FAXC: variants seen among roughly 807,000 people sequenced by gnomAD.
FAXC encodes failed axon connections homolog, metaxin like GST domain containing, also known as failed axon connections homolog.
A neutral mutation model predicts 41.9 loss-of-function variants in FAXC; 10 were observed. The observed-to-expected ratio is 0.24, with a 90% CI of 0.15 to 0.41. The LOEUF is 0.41. Ranked by LOEUF, FAXC falls within the 10% of genes least tolerant of loss-of-function variation. The probability of loss-of-function intolerance (pLI) is 1.00; values close to 1 mark genes in which losing one functional copy is unlikely to be tolerated. For synonymous variants in FAXC, 183 were observed against 183.8 expected, an observed-to-expected ratio of 1.00 and a Z score of 0.03; for missense variants, 399 against 510.9, an observed-to-expected ratio of 0.78 and a Z score of 2.11.
intron 3 of FAXC, among the ~76,000 whole-genome samples, chr6:99,326,051 T>C (rs1772791256): frequency 6.6e-6 from 1 of 152,310 alleles, no homozygotes; most frequent in Non-Finnish European, 1.5e-5. Context: ...AGGCTGCATT[T>C]GAGGAAGCCT....
chr6:99,331,010 A>C (rs530025305), intron 3 of FAXC, among the ~76,000 whole-genome samples: 1 of 152,322 alleles, frequency 6.6e-6, no homozygotes, highest in South Asian at 2.1e-4. Context: ...TCCCCAAAGC[A>C]AGAAGTTGGC....
rs34495212 is a variant in FAXC at position 99,284,598 on chromosome 6, T to TGTGTGTGTGTGTGA, written c.941-3146_941-3145insTCACACACACACAC. On this transcript the variant is annotated intron_variant, in intron 5 of 5. Coordinates refer to ENST00000389677, the MANE Select transcript of FAXC (RefSeq NM_032511.4). ...GTGTGTGTGTGTGTGTGTGTGTGTGTGATAAGCCTGTGTTAATATAAATGC... is the reference window on the plus strand; with the variant it reads ...GTGTGTGTGTGTGTGTGTGTGTGTGTGTGTGTGTGTGTGAGATAAGCCTGTGTTAATATAAATGC... Among the ~76,000 whole-genome samples the TGTGTGTGTGTGTGA allele has an allele frequency of 4.2e-3, 599 of 142,940 alleles. 10 individuals are homozygous for TGTGTGTGTGTGTGA. The highest frequency in any genetic ancestry group is 0.016 in the South Asian group (71 of 4,376). 93.8% of individuals were successfully genotyped at this position (142,940 alleles called of 152,430 possible).
At chr6:99,284,581 G>A (rs866665810) in intron 5 of FAXC, among the ~76,000 whole-genome samples, 69 of 132,110 alleles carry the variant, frequency 5.2e-4, no homozygotes, top group Middle Eastern at 8.1e-3. Flanking sequence ...GTGTGTGTGT[G>A]TGTGTGTGTG....
Position 99,277,505 on chromosome 6 carries a change from A to G in FAXC, c.*3659T>C, listed in dbSNP as rs1770673599. 1 of 152,228 alleles carries G rather than the reference A, an allele frequency of 6.6e-6. No individual in the cohort carries two copies. Among genetic ancestry groups the G allele is most frequent in the Admixed American group, 6.5e-5 (1 of 15,286 alleles). The allele number at this position is 152,228 out of a possible 1,614,324, so 9.4% of individuals were successfully genotyped here. A position where few individuals can be genotyped will look rare whatever the true frequency, so the allele number is the denominator to read the frequency against. ...GACATGGGTTCTTTAAAAGATACATAAGGAAGTATGAGGAGTCTTGGTGAT... is the reference window on the plus strand; with the variant it reads ...GACATGGGTTCTTTAAAAGATACATGAGGAAGTATGAGGAGTCTTGGTGAT... On this transcript the variant is annotated 3_prime_UTR_variant, in exon 6 of 6. Coordinates refer to ENST00000389677, the MANE Select transcript of FAXC (RefSeq NM_032511.4).
chr6:99,290,101 C>CCACACACACACA lies in FAXC; in HGVS notation c.940+1591_940+1602dup, dbSNP rs34319104. Among the ~76,000 whole-genome samples the CCACACACACACA allele has an allele frequency of 8.3e-3, 1,188 of 142,554 alleles. 12 individuals are homozygous for CCACACACACACA. The highest frequency in any genetic ancestry group is 0.011 in the Non-Finnish European group (707 of 66,006). The allele number at this position is 142,554 out of a possible 152,430, so 93.5% of individuals were successfully genotyped here. Reference sequence around the variant, plus strand: ...CTGTATATCCCACCACCCTACCCCACCACACACACACACACACACACACAC... The same window carrying CCACACACACACA: ...CTGTATATCCCACCACCCTACCCCACCACACACACACACACACACACACACACACACACACAC... On this transcript the variant is annotated intron_variant, in intron 5 of 5. Transcript: ENST00000389677.
rs1174982279 is a variant in FAXC, at chr6:99,315,232, T to TAA, written c.823+8210_823+8211dup. On this transcript the variant is annotated intron_variant, in intron 4 of 5. Transcript: ENST00000389677. The stretch of plus-strand genomic sequence containing the variant: ...TGGGCAACTGAGCAACACTCCATCT[T>TAA]AAAAAAAAAAAAAAAAAAAAAAAAA... 9.1e-4 allele frequency among the ~76,000 whole-genome samples: 37 copies of TAA among 40,510 alleles called. 4 individuals are homozygous for TAA. The highest frequency in any genetic ancestry group is 5.1e-3 in the East Asian group (4 of 780). 26.6% of individuals were successfully genotyped at this position (40,510 alleles called of 152,430 possible).
rs1226793563 is a variant in FAXC, at chr6:99,299,662, A to G, written c.824-7842T>C. On this transcript the variant is annotated intron_variant, in intron 4 of 5. Transcript: ENST00000389677. Reference sequence around the variant, plus strand: ...GTCACGGTAATCTCACTATCCAAGCATCAAAGAGCACACACTTAAATGCAC... The same window carrying G: ...GTCACGGTAATCTCACTATCCAAGCGTCAAAGAGCACACACTTAAATGCAC... Among the ~76,000 whole-genome samples, 4 of 152,330 alleles carry G rather than the reference A, an allele frequency of 2.6e-5. 1 individual carries two copies. The highest frequency in any genetic ancestry group is 9.6e-5 in the African/African-American group (4 of 41,584).
Position 99,342,915 on chromosome 6 carries a change from C to A in FAXC, c.385G>T (p.Ala129Ser), listed in dbSNP as rs1447197578. The A allele has an allele frequency of 6.2e-7, 1 of 1,607,068 alleles. No homozygotes were observed. Among genetic ancestry groups the A allele is most frequent in the Non-Finnish European group, 8.5e-7 (1 of 1,177,990 alleles). ...CLKMETYLRMADLPYQNYFGG... is the reference protein window; with the variant it reads ...CLKMETYLRMSDLPYQNYFGG... ...ACAAGTACCTGATACGGTAAGTCAG[C>A]CATCCTTAAATAAGTTTCCATCTTT... The change falls in exon 2 of 6, where the codon GCT (alanine) becomes TCT (serine). Residue 129 changes from alanine to serine, a missense_variant. Coordinates refer to ENST00000389677, the MANE Select transcript of FAXC (RefSeq NM_032511.4).
rs1773477805 is a variant in FAXC at position 99,343,031 on chromosome 6, T to C, written c.269A>G (p.Lys90Arg). Residue 90 changes from lysine (K) to arginine (R), a missense_variant and splice_region_variant, in exon 2 of 6, where the codon AAA (lysine) becomes AGA (arginine). By Grantham distance (26) the Lys-to-Arg change is conservative (BLOSUM62 2). Around this residue, in one of 3 missense-constraint regions of FAXC, gnomAD observed 239 missense variants for 352.7 expected, o/e 0.68. Transcript: ENST00000389677. ...ATCTTTAGAGTCAATCTCTTGCTGT[T>C]TCCTGTCAAAACCAAAACAGAAATA... ...YLLHELLVIRKQQEIDSKDAI... is the reference protein window; with the variant it reads ...YLLHELLVIRRQQEIDSKDAI... 1.9e-6 allele frequency: 3 copies of C among 1,597,826 alleles called. No homozygotes were observed. Among genetic ancestry groups the C allele is most frequent in the Admixed American group, 1.8e-5 (1 of 55,104 alleles).
chr6:99,282,839 A>G (rs2128446737), intron 5 of FAXC, among the ~76,000 whole-genome samples: 1 of 152,324 alleles, frequency 6.6e-6, no homozygotes, highest in South Asian at 2.1e-4. Context: ...ATTACCAATA[A>G]TCGCATTCCC....
Position 99,301,335 on chromosome 6 carries a change from C to G in FAXC, c.824-9515G>C, listed in dbSNP as rs527952239. Among the ~76,000 whole-genome samples the G allele has an allele frequency of 1.1e-4, 17 of 152,328 alleles. No homozygotes were observed. In the South Asian group the frequency reaches 1.9e-3, roughly 17 times the overall value. On this transcript the variant is annotated intron_variant, in intron 4 of 5. Coordinates refer to ENST00000389677, the MANE Select transcript of FAXC (RefSeq NM_032511.4). Reference sequence around the variant, plus strand: ...TCTCTATCTTCTACTCTGTGGGAGACCACGTTACTCCTCTACCGAATGTGC... The same window carrying G: ...TCTCTATCTTCTACTCTGTGGGAGAGCACGTTACTCCTCTACCGAATGTGC...
chr6:99,325,768 C>T lies in FAXC; in HGVS notation c.600-2101G>A, dbSNP rs1036432569. Among the ~76,000 whole-genome samples the T allele has an allele frequency of 1.3e-3, 198 of 152,198 alleles. 3 individuals are homozygous for T. Among genetic ancestry groups the T allele is most frequent in the Non-Finnish European group, 7.4e-5 (5 of 68,010 alleles). ...CACAACCTTTTACCATTCTGGAATT[C>T]AATGGTTTTAGGATAAAACTAAATT... On this transcript the variant is annotated intron_variant, in intron 3 of 5. Coordinates refer to ENST00000389677, the MANE Select transcript of FAXC (RefSeq NM_032511.4).
intron 5 of FAXC, among the ~76,000 whole-genome samples, chr6:99,283,220 C>T (rs1770902079): frequency 6.6e-6 from 1 of 152,130 alleles, no homozygotes; most frequent in South Asian, 2.1e-4. Flanking sequence ...ACAAACTGTA[C>T]AAATACATAA....
chr6:99,347,305 G>C (rs1049069202), intron 1 of FAXC, among the ~76,000 whole-genome samples: 2 of 151,906 alleles, frequency 1.3e-5, no homozygotes, highest in Non-Finnish European at 2.9e-5. Flanking sequence ...AGGAGGCTGA[G>C]CCAGGAGAAT....
At position 99,281,231 on chromosome 6, in the gene FAXC, G is replaced by A. The variant is rs570007811; in HGVS notation, c.1163C>T (p.Thr388Ile). The A allele has an allele frequency of 1.2e-6, 2 of 1,611,244 alleles. No homozygotes were observed. The highest frequency in any genetic ancestry group is 1.7e-6 in the Non-Finnish European group (2 of 1,177,318). ...ATCCGAATCAAAGAGTGAGTGTCCA[G>A]TAAAATCTGTGTCTGGGGTTCTGGA... Reference protein sequence around the residue: ...SFSRTPDTDFTGHSLFDSDVD... With the variant: ...SFSRTPDTDFIGHSLFDSDVD... The change falls in exon 6 of 6, where the codon ACT becomes ATT. Residue 388 changes from threonine to isoleucine, a missense_variant. Coordinates refer to ENST00000389677, the MANE Select transcript of FAXC (RefSeq NM_032511.4).
intron 4 of FAXC, among the ~76,000 whole-genome samples, chr6:99,302,007 A>T (rs1771730378): frequency 6.6e-6 from 1 of 152,242 alleles, no homozygotes; most frequent in Admixed American, 6.5e-5. Flanking sequence ...AAGAAACCAG[A>T]TAGCCTTAGC....
intron 2 of FAXC, among the ~76,000 whole-genome samples, chr6:99,334,866 G>A (rs1307705078): frequency 2.0e-5 from 3 of 152,046 alleles, no homozygotes; most frequent in African/African-American, 4.8e-5. Context: ...CCACCTGCCC[G>A]GTCTCATTGG....
At chr6:99,337,456 A>G (rs528382774) in intron 2 of FAXC, among the ~76,000 whole-genome samples, 1 of 152,314 alleles carries the variant, frequency 6.6e-6, no homozygotes, top group East Asian at 1.9e-4. Context: ...TTACATGTCT[A>G]AAGAAATGTA....
At chr6:99,302,884 A>T (rs966382808) in intron 4 of FAXC, among the ~76,000 whole-genome samples, 1 of 145,260 alleles carries the variant, frequency 6.9e-6, no homozygotes, top group African/African-American at 2.6e-5. Flanking sequence ...CTTCTGTACA[A>T]AAAAAAAAAT....
Sources: gnomAD v4.1 joint callset for allele counts (sites outside exome capture counted in the v4.1 genomes callset) on GRCh38, gnomAD v4.1.1 for gene constraint, gnomAD v4.1.1 regional missense constraint, MANE v1.5 for transcripts, NCBI Gene and HGNC (gene_info 2026-07-23, HGNC 2026-07-21) for gene names.